Variants in MAML2 observed in about 807,000 individuals in gnomAD.
MAML2 encodes the protein mastermind like transcriptional coactivator 2, also known as mastermind-like protein 2.
A neutral mutation model predicts 96.1 loss-of-function variants in MAML2; 22 were observed. The ratio of observed to expected loss-of-function variants is 0.23; its 90% CI spans 0.16 to 0.33. The LOEUF (loss-of-function observed/expected upper bound fraction) is 0.33. MAML2 is among the 10% of genes least tolerant of loss of function. The pLI, the probability that MAML2 is intolerant of heterozygous loss-of-function variation, is 1.00. For synonymous variants in MAML2, 561 were observed against 521.3 expected, an observed-to-expected ratio of 1.08 and a Z score of -1.04; for missense variants, 1,367 against 1,392.4, an observed-to-expected ratio of 0.98 and a Z score of 0.29.
At chr11:96,277,175 C>T (rs1365928228) in intron 1 of MAML2, among the ~76,000 whole-genome samples, 1 of 152,178 alleles carries the variant, frequency 6.6e-6, no homozygotes, top group Non-Finnish European at 1.5e-5. Flanking sequence ...GTAGAGGATA[C>T]ACCATTTTTA....
At chr11:96,032,362 G>A (rs1270269007) in intron 2 of MAML2, among the ~76,000 whole-genome samples, 2 of 152,230 alleles carry the variant, frequency 1.3e-5, no homozygotes, top group South Asian at 2.1e-4. Flanking sequence ...GCCGAGGCAG[G>A]TGGATCACTT....
At chr11:96,067,033 T>C (rs956475697) in intron 2 of MAML2, among the ~76,000 whole-genome samples, 1 of 152,280 alleles carries the variant, frequency 6.6e-6, no homozygotes, top group Non-Finnish European at 1.5e-5. Flanking sequence ...AGGCAGATCT[T>C]GTAGGGCCTG....
In MAML2 at chr11:96,205,082, A is replaced by G. The variant is rs140664953; in HGVS notation, c.514-111565T>C. Among the ~76,000 whole-genome samples, 46 of 152,248 alleles carry G rather than the reference A, an allele frequency of 3.0e-4. 1 individual carries two copies. The East Asian group carries it at 7.5e-3, about 25-fold the overall frequency. ...TCCTGGCGTAATTTCTTTTCATATA[A>G]TGTGTGAATTTTACAGTATGATGTC... On this transcript the variant is annotated intron_variant, in intron 1 of 4. Transcript: ENST00000524717.
chr11:96,271,269 A>G (rs944660354), intron 1 of MAML2, among the ~76,000 whole-genome samples: 3 of 152,188 alleles, frequency 2.0e-5, no homozygotes, highest in African/African-American at 7.2e-5. Context: ...CATATATCCT[A>G]TTAGTTCTGT....
intron 2 of MAML2, among the ~76,000 whole-genome samples, chr11:96,088,950 C>G (rs542242142): frequency 5.3e-5 from 8 of 152,062 alleles, no homozygotes; most frequent in African/African-American, 1.9e-4. Flanking sequence ...CAAATTTAGT[C>G]TACCAATTTG....
chr11:96,305,221 C>T (rs535793981), intron 1 of MAML2, among the ~76,000 whole-genome samples: 89 of 152,172 alleles, frequency 5.8e-4, no homozygotes, highest in African/African-American at 2.1e-3. Flanking sequence ...GATAAACAGG[C>T]AGAGCACAGA....
intron 4 of MAML2, 30 bp downstream of exon 4, chr11:95,985,501 T>C: frequency 2.2e-6 from 3 of 1,344,834 alleles, no homozygotes; most frequent in South Asian, 1.4e-5. Context: ...TTCACAGCTA[T>C]AATTTTTATT....
chr11:96,030,024 A>G (rs1269777031), intron 2 of MAML2, among the ~76,000 whole-genome samples: 3 of 152,080 alleles, frequency 2.0e-5, no homozygotes, highest in South Asian at 2.1e-4. Flanking sequence ...ACGAGGTCAG[A>G]CGTTCGAGAC....
At chr11:96,072,096 C>T (rs1429914286) in intron 2 of MAML2, among the ~76,000 whole-genome samples, 2 of 152,068 alleles carry the variant, frequency 1.3e-5, no homozygotes, top group African/African-American at 2.4e-5. Flanking sequence ...AATAATTATT[C>T]TTTAAAAAAC....
intron 1 of MAML2, among the ~76,000 whole-genome samples, chr11:96,198,424 A>G (rs1051244601): frequency 1.2e-4 from 18 of 152,240 alleles, no homozygotes; most frequent in Non-Finnish European, 2.2e-4. Flanking sequence ...TGAGAAAGGC[A>G]TACAGAAATT....
chr11:96,009,831 G>A (rs971588980), intron 2 of MAML2, among the ~76,000 whole-genome samples: 1 of 152,140 alleles, frequency 6.6e-6, no homozygotes, highest in Non-Finnish European at 1.5e-5. Context: ...TTTTAGGTCA[G>A]CTACTAGAAA....
At chr11:96,305,283 T>C (rs1392761425) in intron 1 of MAML2, among the ~76,000 whole-genome samples, 1 of 152,124 alleles carries the variant, frequency 6.6e-6, no homozygotes, top group Non-Finnish European at 1.5e-5. Context: ...AAGATGTACA[T>C]TATTATATAT....
At position 96,241,320 on chromosome 11, in the gene MAML2, C is replaced by T. The variant is rs563663232; in HGVS notation, c.513+100063G>A. Among the ~76,000 whole-genome samples the T allele has an allele frequency of 2.0e-5, 3 of 152,312 alleles. No individual in the cohort carries two copies. In the East Asian group the frequency reaches 5.8e-4, roughly 29 times the overall value. On this transcript the variant is annotated intron_variant, in intron 1 of 4. Transcript: ENST00000524717. ...GGTGGTCCTTCTGGGAAGATCAGTG[C>T]ACAGCTTCTCTTTCCAACATCTACT...
At chr11:96,113,180 A>AC (rs543264568) in intron 1 of MAML2, among the ~76,000 whole-genome samples, 1 of 31,602 alleles carries the variant, frequency 3.2e-5, no homozygotes, top group Non-Finnish European at 7.8e-5. Flanking sequence ...GACAAAAAAA[A>AC]AAAAAAAAAA....
Position 96,245,859 on chromosome 11 carries a change from C to A in MAML2, c.513+95524G>T, listed in dbSNP as rs141996242. ...AGCTGGGATTACAGGTGTGCGCCACCACATCTGGCTAATTTTTGTATTTTT... is the reference window on the plus strand; with the variant it reads ...AGCTGGGATTACAGGTGTGCGCCACAACATCTGGCTAATTTTTGTATTTTT... On this transcript the variant is annotated intron_variant, in intron 1 of 4. Transcript: ENST00000524717. 4.6e-3 allele frequency among the ~76,000 whole-genome samples: 696 copies of A among 152,120 alleles called. 23 individuals are homozygous for A. The East Asian group carries it at 0.046, about 10-fold the overall frequency.
chr11:96,188,505 C>T (rs971076314), intron 1 of MAML2, among the ~76,000 whole-genome samples: 1 of 152,168 alleles, frequency 6.6e-6, no homozygotes, highest in Non-Finnish European at 1.5e-5. Flanking sequence ...GGGGGTCCCA[C>T]AAGCAAAGAG....
intron 1 of MAML2, among the ~76,000 whole-genome samples, chr11:96,200,551 A>C (rs1861805704): frequency 6.6e-6 from 1 of 152,226 alleles, no homozygotes; most frequent in Non-Finnish European, 1.5e-5. Context: ...GACAGATTTC[A>C]TCAGAGAAAG....
chr11:96,148,094 G>T (rs1474974600), intron 1 of MAML2, among the ~76,000 whole-genome samples: 1 of 152,114 alleles, frequency 6.6e-6, no homozygotes, highest in Non-Finnish European at 1.5e-5. Context: ...TATACACGAC[G>T]AGCACACCTC....
chr11:96,186,852 C>G (rs140532962), intron 1 of MAML2, among the ~76,000 whole-genome samples: 569 of 152,300 alleles, frequency 3.7e-3, no homozygotes, highest in African/African-American at 0.013. Context: ...CAACTATTAG[C>G]CAGTGTATCT....
Sources: allele counts gnomAD v4.1 joint callset (sites outside exome capture counted in the v4.1 genomes callset), GRCh38; gene constraint gnomAD v4.1.1; transcripts MANE v1.5; gene names NCBI Gene and HGNC (gene_info 2026-07-23, HGNC 2026-07-21).